Variants in VPS13A observed in about 807,000 individuals in gnomAD.
VPS13A encodes the protein vacuolar protein sorting 13 homolog A.
A neutral mutation model predicts 390.9 loss-of-function variants in VPS13A; 264 were observed. That is an observed-to-expected ratio of 0.68 (90% CI 0.61 to 0.75). The LOEUF is 0.75. VPS13A is among the 30% of genes least tolerant of loss of function. The pLI is 0.00. For synonymous variants in VPS13A, 1,231 were observed against 1,227.1 expected, an observed-to-expected ratio of 1.00 and a Z score of -0.07; for missense variants, 3,409 against 3,733.9, an observed-to-expected ratio of 0.91 and a Z score of 2.27.
chr9:77,314,857 A>G (rs1200449866), intron 37 of VPS13A, among the ~76,000 whole-genome samples, 193 bp downstream of exon 37: 1 of 152,180 alleles, frequency 6.6e-6, no homozygotes, highest in African/African-American at 2.4e-5. Context: ...CTTACTGGAT[A>G]ATTGATAGAT....
intron 1 of VPS13A, among the ~76,000 whole-genome samples, chr9:77,179,246 A>G (rs536886632): frequency 6.6e-6 from 1 of 152,344 alleles, no homozygotes; most frequent in African/African-American, 2.4e-5. Context: ...ATTTACATGC[A>G]GTAAAATTCA....
chr9:77,221,233 GTTATGGA>G lies in VPS13A; in HGVS notation c.1040_1046del (p.Leu347CysfsTer14). On this transcript the variant is annotated frameshift_variant, in exon 13 of 72. Transcript: ENST00000360280. LOFTEE classifies it high-confidence loss of function. ...TTCTTGAAGTAAATGTTTGCCCCAG[GTTATGGA>G]TGTGGTCATGGAAGCATATTAGAAA... 1 of 1,613,432 alleles carries G rather than the reference GTTATGGA, an allele frequency of 6.2e-7. No individual in the cohort carries two copies.
chr9:77,371,531 G>A (rs12685894), intron 67 of VPS13A, among the ~76,000 whole-genome samples: 1 of 152,136 alleles, frequency 6.6e-6, no homozygotes, highest in African/African-American at 2.4e-5. Context: ...CCTCTAATTA[G>A]GCCCCACCTC....
intron 45 of VPS13A, among the ~76,000 whole-genome samples, chr9:77,327,124 T>G (rs1287363301): frequency 1.3e-5 from 2 of 152,116 alleles, no homozygotes; most frequent in Non-Finnish European, 2.9e-5. Context: ...AGTTTTTTTG[T>G]TTTTGTTTTT....
In VPS13A at chr9:77,315,320, G is replaced by A; in HGVS notation, c.4480G>A (p.Asp1494Asn). Residue 1494 changes from aspartate (D) to asparagine (N), a missense_variant, in exon 38 of 72, where the codon GAT becomes AAT. Physicochemically the swap from Asp to Asn is conservative, Grantham distance 23. Around this residue, in one of 5 missense-constraint regions of VPS13A, gnomAD observed 2,717 missense variants for 2,917.4 expected, o/e 0.93. Coordinates refer to ENST00000360280, the MANE Select transcript of VPS13A (RefSeq NM_033305.3). ...GGATATAAAGTACAGGAAAGTCAGA[G>A]ATGGTTGTGTGACTGATGCGGTCTT... Reference protein sequence around the residue: ...MMDIKYRKVRDGCVTDAVFQE... With the variant: ...MMDIKYRKVRNGCVTDAVFQE... 4 of 1,613,952 alleles carry A rather than the reference G, an allele frequency of 2.5e-6. No individual in the cohort carries two copies. Among genetic ancestry groups the A allele is most frequent in the Non-Finnish European group, 3.4e-6 (4 of 1,179,848 alleles).
intron 22 of VPS13A, among the ~76,000 whole-genome samples, chr9:77,258,614 C>G (rs989621409): frequency 6.6e-6 from 1 of 152,030 alleles, no homozygotes; most frequent in East Asian, 1.9e-4. Flanking sequence ...CCATGCTACG[C>G]ATTCCCTTGT....
In VPS13A at chr9:77,340,526, AT is replaced by A. The variant is rs1179473790; in HGVS notation, c.7003del (p.Trp2335GlyfsTer48). On this transcript the variant is annotated frameshift_variant, in exon 50 of 72. Transcript: ENST00000360280. LOFTEE classifies it high-confidence loss of function. Reference sequence around the variant, plus strand: ...CAGTGGCTGAAGAAGGAAATGATAAATGGCTCTCTCTTGATTTGGAGCAGGT... The same window carrying A: ...CAGTGGCTGAAGAAGGAAATGATAAAGGCTCTCTCTTGATTTGGAGCAGGT... ...ISVAEEGNDK[W>X]LSLDLEQCIP... is the part of the protein sequence containing the mutation. The A allele has an allele frequency of 6.2e-7, 1 of 1,612,852 alleles. No homozygotes were observed. The highest frequency in any genetic ancestry group is 2.2e-5 in the East Asian group (1 of 44,744).
rs1825322352 is a variant in VPS13A at position 77,201,394 on chromosome 9, A to G, written c.174A>G (p.Lys58=). The G allele has an allele frequency of 1.2e-6, 2 of 1,610,630 alleles. No homozygotes were observed. The highest frequency in any genetic ancestry group is 1.7e-6 in the Non-Finnish European group (2 of 1,177,108). Residue 58 remains lysine, a synonymous_variant, in exon 3 of 72, where the codon AAA becomes AAG. Coordinates refer to ENST00000360280, the MANE Select transcript of VPS13A (RefSeq NM_033305.3). ...AACTGGATGTACCATTTAAAGTTAA[A>G]GTTGGTCACATAGGTAAGCCATATT... ...LSQLDVPFKV[K]VGHIGNLKLI... is the part of the protein sequence containing the mutation.
At chr9:77,257,884 C>T (rs1425832722) in intron 22 of VPS13A, among the ~76,000 whole-genome samples, 1 of 152,120 alleles carries the variant, frequency 6.6e-6, no homozygotes, top group Non-Finnish European at 1.5e-5. Flanking sequence ...GTATTCTATA[C>T]CCATTAACAA....
intron 43 of VPS13A, 79 bp downstream of exon 43, chr9:77,321,406 C>T: frequency 6.3e-7 from 1 of 1,582,046 alleles, no homozygotes; most frequent in Non-Finnish European, 8.7e-7. Context: ...AGTTTAATAA[C>T]TTAGTTGTCA....
At position 77,400,786 on chromosome 9, in the gene VPS13A, T is replaced by C. The variant is rs575086772; in HGVS notation, c.9190-2450T>C. 2.3e-4 allele frequency among the ~76,000 whole-genome samples: 34 copies of C among 146,582 alleles called. No homozygotes were observed. In the East Asian group the frequency reaches 6.8e-3, roughly 29 times the overall value. ...GAGTTTGCAGTGAGCCGAGATCGCA[T>C]CACTGCACTCCAGCCTGGGCAACAG... On this transcript the variant is annotated intron_variant, in intron 68 of 71. Coordinates refer to ENST00000360280, the MANE Select transcript of VPS13A (RefSeq NM_033305.3).
Position 77,339,907 on chromosome 9 carries a change from A to G in VPS13A, c.6770A>G (p.Asn2257Ser). 2 of 1,609,870 alleles carry G rather than the reference A, an allele frequency of 1.2e-6. No individual in the cohort carries two copies. Among genetic ancestry groups the G allele is most frequent in the Non-Finnish European group, 1.7e-6 (2 of 1,179,820 alleles). ...SFQPNHFFNN[N>S]KVQLMVTDSE... Reference sequence around the variant, plus strand: ...CAGCCAAATCACTTTTTTAATAACAATAAGGTATGCGATGTTTATTCTGTT... The same window carrying G: ...CAGCCAAATCACTTTTTTAATAACAGTAAGGTATGCGATGTTTATTCTGTT... The change falls in exon 48 of 72, where the codon AAT (asparagine) becomes AGT (serine). Residue 2257 changes from asparagine (N) to serine (S), a missense_variant. Around this residue, in one of 5 missense-constraint regions of VPS13A, gnomAD observed 2,717 missense variants for 2,917.4 expected, o/e 0.93. Coordinates refer to ENST00000360280, the MANE Select transcript of VPS13A (RefSeq NM_033305.3).
intron 1 of VPS13A, among the ~76,000 whole-genome samples, chr9:77,190,078 G>T (rs1225430366): frequency 2.0e-5 from 3 of 152,078 alleles, no homozygotes; most frequent in Admixed American, 6.6e-5. Flanking sequence ...TTCCTATTTG[G>T]ATGTCTTTTA....
rs766148952 is a variant in VPS13A, at chr9:77,353,612, G to C, written c.7623G>C (p.Lys2541Asn). Residue 2541 changes from lysine to asparagine, a missense_variant, in exon 54 of 72, where the codon AAG (lysine) becomes AAC (asparagine). Lys to Asn is a moderately conservative substitution (Grantham distance 94). Around this residue, in one of 5 missense-constraint regions of VPS13A, gnomAD observed 221 missense variants for 300.7 expected, o/e 0.73. Coordinates refer to ENST00000360280, the MANE Select transcript of VPS13A (RefSeq NM_033305.3). ...TTTCTCTTGTCAACAATTACACGAAGCAAGAAGTAGCCTATATAGGCATTA... is the reference window on the plus strand; with the variant it reads ...TTTCTCTTGTCAACAATTACACGAACCAAGAAGTAGCCTATATAGGCATTA... Reference protein sequence around the residue: ...VGISLVNNYTKQEVAYIGITS... With the variant: ...VGISLVNNYTNQEVAYIGITS... 3.7e-6 allele frequency: 6 copies of C among 1,613,266 alleles called. No individual in the cohort carries two copies. The Admixed American group carries it at 5.0e-5, about 13-fold the overall frequency.
At chr9:77,335,559 T>C (rs1272855858) in intron 46 of VPS13A, among the ~76,000 whole-genome samples, 1 of 152,116 alleles carries the variant, frequency 6.6e-6, no homozygotes, top group Non-Finnish European at 1.5e-5. Context: ...AATAGACACT[T>C]CTCAAAAGAA....
intron 68 of VPS13A, among the ~76,000 whole-genome samples, chr9:77,385,912 C>CA (rs141109196): frequency 0.097 from 14,688 of 151,092 alleles, 791 homozygotes; most frequent in East Asian, 0.11. Flanking sequence ...GAGATTACTG[C>CA]AAAAAAAACT....
intron 1 of VPS13A, among the ~76,000 whole-genome samples, chr9:77,191,961 T>A (rs1279352768): frequency 6.6e-6 from 1 of 152,204 alleles, no homozygotes; most frequent in Non-Finnish European, 1.5e-5. Flanking sequence ...AGTCTCCCAC[T>A]ATTATTGTGT....
Position 77,227,407 on chromosome 9 carries a change from G to T in VPS13A, c.1374G>T (p.Leu458Phe). 2 of 1,613,076 alleles carry T rather than the reference G, an allele frequency of 1.2e-6. No homozygotes were observed. Among genetic ancestry groups the T allele is most frequent in the South Asian group, 1.1e-5 (1 of 91,014 alleles). ...DVQPETLEEM[L>F]TPEEKALLYE... ...GATTTGTAGCTCTTGAAGAAATGTT[G>T]ACACCTGAAGAAAAAGCTTTACTCT... The change falls in exon 16 of 72, where the codon TTG becomes TTT. Residue 458 changes from leucine (L) to phenylalanine (F), a missense_variant. Leu to Phe is a conservative substitution (Grantham distance 22). Coordinates refer to ENST00000360280, the MANE Select transcript of VPS13A (RefSeq NM_033305.3).
At chr9:77,207,212 ATTAT>A (rs1379252941) in intron 5 of VPS13A, among the ~76,000 whole-genome samples, 4 of 28,880 alleles carry the variant, frequency 1.4e-4, no homozygotes, top group African/African-American at 3.2e-4. Context: ...TTATTTAGAT[ATTAT>A]ATATATATAT....
Sources: gnomAD v4.1 joint callset for allele counts (sites outside exome capture counted in the v4.1 genomes callset) on GRCh38, gnomAD v4.1.1 for gene constraint, gnomAD v4.1.1 regional missense constraint, MANE v1.5 for transcripts, NCBI Gene and HGNC (gene_info 2026-07-23, HGNC 2026-07-21) for gene names.